NFAT5: variants seen among roughly 807,000 people sequenced by gnomAD.
NFAT5 encodes the protein nuclear factor of activated T-cells 5.
In NFAT5, 31 loss-of-function variants were observed where a neutral mutation model predicts 166.5. The observed-to-expected ratio is 0.19, with a 90% CI of 0.14 to 0.25. The LOEUF (loss-of-function observed/expected upper bound fraction) is 0.25, where lower values mean the gene tolerates loss of function less well. Among genes scored for constraint, NFAT5 ranks in the 10% least tolerant of loss-of-function variants. The pLI is 1.00. For synonymous variants in NFAT5, 612 were observed against 639.7 expected (o/e 0.96, Z 0.65); for missense variants, 1,449 against 1,821.8 (o/e 0.80, Z 3.72).
intron 7 of NFAT5, among the ~76,000 whole-genome samples, chr16:69,662,337 G>A (rs1416571449): frequency 6.6e-6 from 1 of 152,028 alleles, no homozygotes; most frequent in East Asian, 1.9e-4. Context: ...ATGCTCCCTG[G>A]AAGGATATGA....
At chr16:69,599,314 C>T (rs1329764399) in intron 2 of NFAT5, among the ~76,000 whole-genome samples, 2 of 152,162 alleles carry the variant, frequency 1.3e-5, no homozygotes, top group Non-Finnish European at 2.9e-5. Flanking sequence ...CAGTGGCTCA[C>T]ACCTGCAATC....
At chr16:69,609,636 T>A (rs1305918009) in intron 2 of NFAT5, among the ~76,000 whole-genome samples, 1 of 151,912 alleles carries the variant, frequency 6.6e-6, no homozygotes, top group Admixed American at 6.6e-5. Flanking sequence ...TATCTCAAAG[T>A]ATGAGGTCTG....
At chr16:69,632,417 T>A (rs908480363) in intron 3 of NFAT5, 5 of 152,188 alleles carry the variant, frequency 3.3e-5, no homozygotes, top group Non-Finnish European at 5.9e-5. Context: ...TTGTGTGCTA[T>A]CACTTCGATT....
intron 2 of NFAT5, among the ~76,000 whole-genome samples, chr16:69,582,643 C>G (rs2031772900): frequency 1.4e-5 from 2 of 147,932 alleles, no homozygotes; most frequent in South Asian, 2.1e-4. Context: ...GGTCTTGGCA[C>G]TCTTGTCAAA....
intron 2 of NFAT5, among the ~76,000 whole-genome samples, chr16:69,611,737 G>C (rs189612648): frequency 5.3e-5 from 8 of 152,326 alleles, no homozygotes; most frequent in Admixed American, 3.3e-4. Flanking sequence ...GAGCCCTCAT[G>C]ACTTACTTCC....
chr16:69,599,494 C>G (rs2033008503), intron 2 of NFAT5, among the ~76,000 whole-genome samples: 1 of 152,146 alleles, frequency 6.6e-6, no homozygotes, highest in South Asian at 2.1e-4. Context: ...TTGCTTGAAC[C>G]CAGGAGGCGA....
intron 4 of NFAT5, among the ~76,000 whole-genome samples, chr16:69,651,828 T>C (rs1208694417): frequency 6.6e-6 from 1 of 151,796 alleles, no homozygotes; most frequent in Non-Finnish European, 1.5e-5. Flanking sequence ...CTGCCACCAC[T>C]CCTGGCTAAT....
At chr16:69,663,300 CTTT>C (rs1234695304) in intron 7 of NFAT5, among the ~76,000 whole-genome samples, 1 of 152,026 alleles carries the variant, frequency 6.6e-6, no homozygotes, top group Non-Finnish European at 1.5e-5. Context: ...GATCCTTTGT[CTTT>C]TTGTTTTTAA....
At position 69,693,604 on chromosome 16, in the gene NFAT5, A is replaced by G; in HGVS notation, c.3779A>G (p.Gln1260Arg). The G allele has an allele frequency of 6.2e-7, 1 of 1,614,218 alleles. No individual in the cohort carries two copies. Among genetic ancestry groups the G allele is most frequent in the East Asian group, 2.2e-5 (1 of 44,888 alleles). ...FQSQHSIVAM[Q>R]SNSPSQEQQQ... is the part of the protein sequence containing the mutation. ...TCACAGCACTCAATAGTTGCCATGC[A>G]GAGTAACTCTCCATCCCAGGAACAG... Residue 1260 changes from glutamine to arginine, a missense_variant, in exon 13 of 15, where the codon CAG (glutamine) becomes CGG (arginine). Coordinates refer to ENST00000349945, the MANE Select transcript of NFAT5 (RefSeq NM_138713.4).
intron 2 of NFAT5, among the ~76,000 whole-genome samples, chr16:69,601,675 T>C (rs529494081): frequency 5.3e-5 from 8 of 152,308 alleles, no homozygotes; most frequent in Non-Finnish European, 1.2e-4. Flanking sequence ...TGCCAATCAA[T>C]GTGGTTTAAA....
intron 7 of NFAT5, among the ~76,000 whole-genome samples, chr16:69,665,314 G>C (rs1010262817): frequency 2.1e-5 from 3 of 145,506 alleles, no homozygotes; most frequent in African/African-American, 7.7e-5. Context: ...GGAAGTTCTG[G>C]CCAGGGCAAT....
chr16:69,576,453 C>G (rs1021262985), intron 2 of NFAT5, among the ~76,000 whole-genome samples: 2 of 152,058 alleles, frequency 1.3e-5, no homozygotes, highest in East Asian at 3.8e-4. Flanking sequence ...AAACTACATA[C>G]AAAAATTCAT....
intron 3 of NFAT5, among the ~76,000 whole-genome samples, chr16:69,634,619 C>A (rs933491746): frequency 3.3e-5 from 5 of 152,120 alleles, no homozygotes; most frequent in African/African-American, 1.2e-4. Flanking sequence ...TTATCATCAA[C>A]TAAATTAAAT....
intron 2 of NFAT5, among the ~76,000 whole-genome samples, chr16:69,603,293 A>G (rs998323932): frequency 1.3e-5 from 2 of 152,310 alleles, no homozygotes; most frequent in Non-Finnish European, 2.9e-5. Context: ...TATAACCTAA[A>G]GTGTGCAAAT....
At chr16:69,581,801 T>G (rs751205435) in intron 2 of NFAT5, among the ~76,000 whole-genome samples, 17 of 152,180 alleles carry the variant, frequency 1.1e-4, no homozygotes, top group Non-Finnish European at 2.5e-4. Flanking sequence ...ATCTTAAAAA[T>G]TATATATTTA....
At chr16:69,649,410 C>A in intron 4 of NFAT5, 1 of 983,648 alleles carries the variant, frequency 1.0e-6, no homozygotes, top group Non-Finnish European at 1.2e-6. Flanking sequence ...TCTTGACCTT[C>A]ATTTTTCTGC....
chr16:69,592,080 CTTTTTTTTT>C (rs3037496), intron 2 of NFAT5, among the ~76,000 whole-genome samples: 16 of 118,122 alleles, frequency 1.4e-4, no homozygotes, highest in Non-Finnish European at 2.3e-4. Context: ...ATTACTTTTT[CTTTTTTTTT>C]TTTTTTTTGA....
chr16:69,639,370 A>C (rs938046634), intron 3 of NFAT5, among the ~76,000 whole-genome samples: 1 of 152,192 alleles, frequency 6.6e-6, no homozygotes, highest in Non-Finnish European at 1.5e-5. Context: ...TTTAGTAAAT[A>C]TTATATGAGT....
Position 69,692,511 on chromosome 16 carries a change from A to G in NFAT5, c.2686A>G (p.Asn896Asp). The G allele has an allele frequency of 6.2e-7, 1 of 1,614,180 alleles. No homozygotes were observed. The highest frequency in any genetic ancestry group is 8.5e-7 in the Non-Finnish European group (1 of 1,180,042). The change falls in exon 13 of 15, where the codon AAT becomes GAT. Residue 896 changes from asparagine to aspartate, a missense_variant. Coordinates refer to ENST00000349945, the MANE Select transcript of NFAT5 (RefSeq NM_138713.4). ...VHPQSENTLS[N>D]QQQQQQQQQQ... is the part of the protein sequence containing the mutation. ...TCCACAGTCTGAAAACACGTTATCTAATCAACAGCAGCAGCAGCAGCAGCA... is the reference window on the plus strand; with the variant it reads ...TCCACAGTCTGAAAACACGTTATCTGATCAACAGCAGCAGCAGCAGCAGCA...
Sources: allele counts gnomAD v4.1 joint callset (sites outside exome capture counted in the v4.1 genomes callset), GRCh38; gene constraint gnomAD v4.1.1; transcripts MANE v1.5; gene names NCBI Gene and HGNC (gene_info 2026-07-23, HGNC 2026-07-21).